TOLLIP: variants seen among roughly 807,000 people sequenced by gnomAD.
The protein encoded by TOLLIP is toll interacting protein, also known as toll-interacting protein.
Under a neutral mutation model 33.5 loss-of-function variants are expected in TOLLIP, and 16 were observed. The ratio of observed to expected loss-of-function variants is 0.48; its 90% CI spans 0.32 to 0.72. The LOEUF (loss-of-function observed/expected upper bound fraction) is 0.72. TOLLIP is among the 30% of genes least tolerant of loss of function. The pLI is 0.03. For synonymous variants in TOLLIP, 176 were observed against 163.7 expected, an observed-to-expected ratio of 1.07 and a Z score of -0.57; for missense variants, 325 against 396.6, an observed-to-expected ratio of 0.82 and a Z score of 1.53.
chr11:1,301,587 C>G (rs1028053968), intron 1 of TOLLIP, among the ~76,000 whole-genome samples: 2 of 152,182 alleles, frequency 1.3e-5, no homozygotes, highest in African/African-American at 4.8e-5. Context: ...TTTCCTCCCC[C>G]AAGAACCCCT....
chr11:1,283,062 C>T (rs1863557691), intron 5 of TOLLIP, among the ~76,000 whole-genome samples: 1 of 152,220 alleles, frequency 6.6e-6, no homozygotes, highest in Non-Finnish European at 1.5e-5. Context: ...CCACACAGGA[C>T]ATATTTTAGT....
At chr11:1,280,645 T>C (rs1342957582) in intron 5 of TOLLIP, among the ~76,000 whole-genome samples, 2 of 152,064 alleles carry the variant, frequency 1.3e-5, no homozygotes, top group African/African-American at 2.4e-5. Context: ...ACCCTGGTGC[T>C]GCCTATGCGG....
At position 1,278,184 on chromosome 11, in the gene TOLLIP, C is replaced by T. The variant is rs1025825040; in HGVS notation, c.611-931G>A. Among the ~76,000 whole-genome samples the T allele has an allele frequency of 1.3e-5, 2 of 151,502 alleles. No homozygotes were observed. Among genetic ancestry groups the T allele is most frequent in the East Asian group, 1.9e-4 (1 of 5,156 alleles). On this transcript the variant is annotated intron_variant, in intron 5 of 5. Transcript: ENST00000317204. This position sits in a 1 kb window ranked among gnomAD's most constrained non-coding sequence, Gnocchi z 4.7. The stretch of plus-strand genomic sequence containing the variant: ...AGCAGCCCTGAGCACAGGCAGCGTG[C>T]GCGGGGCTCAGCGACCAGTGAGGCA...
chr11:1,295,371 G>A (rs942489549), intron 2 of TOLLIP: 5 of 332,090 alleles, frequency 1.5e-5, no homozygotes, highest in Admixed American at 4.7e-5. Context: ...GTCCTTGGGC[G>A]TACTCAAGCC....
Position 1,274,773 on chromosome 11 carries a change from C to T in TOLLIP, c.*2266G>A, listed in dbSNP as rs1302619488. 4 of 152,218 alleles carry T rather than the reference C, an allele frequency of 2.6e-5. No homozygotes were observed. In the East Asian group the frequency reaches 7.7e-4, roughly 29 times the overall value. The allele number at this position is 152,218 out of a possible 1,614,324, so 9.4% of individuals were successfully genotyped here. A position where few individuals can be genotyped will look rare whatever the true frequency, so the allele number is the denominator to read the frequency against. On this transcript the variant is annotated 3_prime_UTR_variant, in exon 6 of 6. Transcript: ENST00000317204. Reference sequence around the variant, plus strand: ...TCAGACACCAGGGGCCTAAACCCAGCTCCCAAACCCACTGCAGCCTCCCCT... The same window carrying T: ...TCAGACACCAGGGGCCTAAACCCAGTTCCCAAACCCACTGCAGCCTCCCCT...
chr11:1,276,903 G>A lies in TOLLIP; in HGVS notation c.*136C>T, dbSNP rs2133872911. The A allele has an allele frequency of 2.6e-6, 4 of 1,561,154 alleles. No individual in the cohort carries two copies. Among genetic ancestry groups the A allele is most frequent in the Non-Finnish European group, 3.5e-6 (4 of 1,156,494 alleles). On this transcript the variant is annotated 3_prime_UTR_variant, in exon 6 of 6. Coordinates refer to ENST00000317204, the MANE Select transcript of TOLLIP (RefSeq NM_019009.4). ...CATGCACCCAAGAACAGGTGTGGAC[G>A]GGGCGGCACAGAAGTCCACGGGAGG...
rs1864417267 is a variant in TOLLIP at position 1,306,155 on chromosome 11, A to G, written c.33+3311T>C. 7 of 152,190 alleles carry G rather than the reference A, an allele frequency of 4.6e-5. No individual in the cohort carries two copies. In the South Asian group the frequency reaches 1.4e-3, roughly 31 times the overall value. The allele number at this position is 152,190 out of a possible 1,614,324, so 9.4% of individuals were successfully genotyped here. A position where few individuals can be genotyped will look rare whatever the true frequency, so the allele number is the denominator to read the frequency against. Reference sequence around the variant, plus strand: ...GGCCTTTTTGAAACGTGAGGGAAGCACTGCACAGGGCTGAAGCATCCCTTA... The same window carrying G: ...GGCCTTTTTGAAACGTGAGGGAAGCGCTGCACAGGGCTGAAGCATCCCTTA... On this transcript the variant is annotated intron_variant, in intron 1 of 5. Coordinates refer to ENST00000317204, the MANE Select transcript of TOLLIP (RefSeq NM_019009.4).
chr11:1,279,420 CG>C (rs959340773), intron 5 of TOLLIP, among the ~76,000 whole-genome samples: 1 of 152,198 alleles, frequency 6.6e-6, no homozygotes, highest in African/African-American at 2.4e-5. Flanking sequence ...GAACGGTGAG[CG>C]TATGTGTCAA....
chr11:1,280,102 T>G (rs1300861910), intron 5 of TOLLIP, among the ~76,000 whole-genome samples: 1 of 152,260 alleles, frequency 6.6e-6, no homozygotes, highest in African/African-American at 2.4e-5. Context: ...GAGTTCCATG[T>G]GATAGTTTGT....
rs771667248 is a variant in TOLLIP, at chr11:1,290,353, G to A, written c.240C>T (p.Arg80=). 2.5e-6 allele frequency: 4 copies of A among 1,613,430 alleles called. No individual in the cohort carries two copies. Among genetic ancestry groups the A allele is most frequent in the Non-Finnish European group, 3.4e-6 (4 of 1,179,994 alleles). ...GCGTCTCGTACACCGCGTAGCCCAG[G>A]CGCAGTCGGCAGTAGGGGTCCATGC... is the stretch of plus-strand genomic sequence containing the variant. ...MTRMDPYCRL[R]LGYAVYETPT... Residue 80 remains arginine (R), a synonymous_variant, in exon 3 of 6, where the codon CGC becomes CGT. Coordinates refer to ENST00000317204, the MANE Select transcript of TOLLIP (RefSeq NM_019009.4). The surrounding 1 kb of genome is among the most constrained non-coding windows in gnomAD (Gnocchi z 4.9).
At position 1,295,647 on chromosome 11, in the gene TOLLIP, G is replaced by C. The variant is rs1326186635; in HGVS notation, c.181C>G (p.Gln61Glu). The change falls in exon 2 of 6, where the codon CAG becomes GAG. Residue 61 changes from glutamine to glutamate, a missense_variant and splice_region_variant. Physicochemically the swap from Gln to Glu is conservative, Grantham distance 29. Coordinates refer to ENST00000317204, the MANE Select transcript of TOLLIP (RefSeq NM_019009.4). Reference sequence around the variant, plus strand: ...CAGGAGGGTGCCCCAAGGCCCACCTGTACCACCGTGATGTTCAGTCGGCCC... The same window carrying C: ...CAGGAGGGTGCCCCAAGGCCCACCTCTACCACCGTGATGTTCAGTCGGCCC... ...TVGRLNITVVQAKLAKNYGMT... is the reference protein window; with the variant it reads ...TVGRLNITVVEAKLAKNYGMT... 2.5e-6 allele frequency: 4 copies of C among 1,571,638 alleles called. No individual in the cohort carries two copies. Among genetic ancestry groups the C allele is most frequent in the East Asian group, 2.3e-5 (1 of 43,948 alleles).
chr11:1,295,799 G>A lies in TOLLIP; in HGVS notation c.34-5C>T, dbSNP rs781483413. The A allele has an allele frequency of 1.4e-5, 22 of 1,551,164 alleles. No homozygotes were observed. The highest frequency in any genetic ancestry group is 4.1e-5 in the African/African-American group (3 of 73,370). ...CGGGAGCTCACCGATGTACACCTGCGGGGCCGGGGACCAGAGAGGCCAGTG... is the reference window on the plus strand; with the variant it reads ...CGGGAGCTCACCGATGTACACCTGCAGGGCCGGGGACCAGAGAGGCCAGTG... On this transcript the variant is annotated splice_region_variant and splice_polypyrimidine_tract_variant and intron_variant, in intron 1 of 5. Coordinates refer to ENST00000317204, the MANE Select transcript of TOLLIP (RefSeq NM_019009.4).
chr11:1,286,895 G>A (rs535802386), intron 4 of TOLLIP, among the ~76,000 whole-genome samples: 1 of 150,110 alleles, frequency 6.7e-6, no homozygotes, highest in Admixed American at 6.6e-5. Context: ...GCTGTCTCCT[G>A]AGTTCAAAAC....
intron 1 of TOLLIP, among the ~76,000 whole-genome samples, chr11:1,307,774 C>T (rs1406603059): frequency 1.3e-5 from 2 of 152,178 alleles, no homozygotes; most frequent in African/African-American, 4.8e-5. Context: ...CATCAGAGGC[C>T]GTCCAGGACC....
chr11:1,288,310 G>C (rs566471272), intron 4 of TOLLIP, among the ~76,000 whole-genome samples: 71 of 152,344 alleles, frequency 4.7e-4, no homozygotes, highest in Non-Finnish European at 9.0e-4. Context: ...GCTTGGAAGG[G>C]CTGTGGGGGT....
chr11:1,286,826 C>A (rs552313994), intron 4 of TOLLIP, among the ~76,000 whole-genome samples: 2 of 152,264 alleles, frequency 1.3e-5, no homozygotes, highest in African/African-American at 4.8e-5. Flanking sequence ...TAAGTCACTG[C>A]ACTGCTGTCG....
In TOLLIP at chr11:1,278,837, C is replaced by T. The variant is rs1011275028; in HGVS notation, c.611-1584G>A. Among the ~76,000 whole-genome samples, 3 of 152,232 alleles carry T rather than the reference C, an allele frequency of 2.0e-5. No individual in the cohort carries two copies. Among genetic ancestry groups the T allele is most frequent in the Non-Finnish European group, 2.9e-5 (2 of 68,034 alleles). On this transcript the variant is annotated intron_variant, in intron 5 of 5. Transcript: ENST00000317204. This position sits in a 1 kb window ranked among gnomAD's most constrained non-coding sequence, Gnocchi z 4.7. ...TCCTCAAACAAGACAAAGGCTTGGG[C>T]GCTGTCTGTCCTGGAGGGACCCCTG...
At chr11:1,292,736 G>C (rs577926654) in intron 2 of TOLLIP, among the ~76,000 whole-genome samples, 1 of 152,250 alleles carries the variant, frequency 6.6e-6, no homozygotes, top group African/African-American at 2.4e-5. Context: ...AGCAGACACC[G>C]TGGGGACACA....
At chr11:1,285,570 G>A (rs1412288143) in intron 5 of TOLLIP, among the ~76,000 whole-genome samples, 2 of 152,310 alleles carry the variant, frequency 1.3e-5, no homozygotes, top group Non-Finnish European at 1.5e-5. Flanking sequence ...CAACAGGAGC[G>A]TGAGGTTCAG....
Sources: gnomAD v4.1 joint callset for allele counts (sites outside exome capture counted in the v4.1 genomes callset) on GRCh38, gnomAD v4.1.1 for gene constraint, Gnocchi (gnomAD v3.1) non-coding constraint, MANE v1.5 for transcripts, NCBI Gene and HGNC (gene_info 2026-07-23, HGNC 2026-07-21) for gene names.